Variants in KIAA1328 observed in about 807,000 individuals in gnomAD.
KIAA1328 encodes the protein protein hinderin.
In KIAA1328, 52 loss-of-function variants were observed where a neutral mutation model predicts 68.1. The ratio of observed to expected loss-of-function variants is 0.76; its 90% CI spans 0.61 to 0.96. The LOEUF is 0.96. Among genes scored for constraint, KIAA1328 ranks in the 40% least tolerant of loss-of-function variants. KIAA1328 has a pLI of 0.00. For synonymous variants in KIAA1328, 232 were observed against 239.4 expected (o/e 0.97, Z 0.28); for missense variants, 641 against 677.6 (o/e 0.95, Z 0.60).
intron 4 of KIAA1328, among the ~76,000 whole-genome samples, chr18:36,872,768 A>G (rs1484864242): frequency 2.0e-5 from 3 of 152,270 alleles, no homozygotes; most frequent in Non-Finnish European, 4.4e-5. Context: ...GTTATGGCAT[A>G]GATGTTGAAA....
At chr18:36,914,004 A>G (rs1285332460) in intron 5 of KIAA1328, among the ~76,000 whole-genome samples, 1 of 152,048 alleles carries the variant, frequency 6.6e-6, no homozygotes, top group Non-Finnish European at 1.5e-5. Context: ...TACTTTGTGG[A>G]TGCTGTCATG....
chr18:37,124,488 T>A (rs780948318), intron 7 of KIAA1328, among the ~76,000 whole-genome samples: 19 of 152,124 alleles, frequency 1.2e-4, no homozygotes, highest in Non-Finnish European at 2.4e-4. Flanking sequence ...TTTTCCTGTT[T>A]CTACTTGTAA....
At chr18:36,951,443 A>G (rs1216558785) in intron 5 of KIAA1328, among the ~76,000 whole-genome samples, 1 of 152,208 alleles carries the variant, frequency 6.6e-6, no homozygotes, top group East Asian at 1.9e-4. Flanking sequence ...GCCCTTACAG[A>G]CTTATTTGTT....
At chr18:37,182,015 A>G (rs543994960) in intron 9 of KIAA1328, among the ~76,000 whole-genome samples, 1 of 152,266 alleles carries the variant, frequency 6.6e-6, no homozygotes, top group Admixed American at 6.5e-5. Context: ...TTCCTTTGTC[A>G]ACCCAGCAAT....
At chr18:37,059,027 T>C (rs2056041290) in intron 6 of KIAA1328, among the ~76,000 whole-genome samples, 1 of 152,186 alleles carries the variant, frequency 6.6e-6, no homozygotes, top group Non-Finnish European at 1.5e-5. Context: ...GTTGGGTTTT[T>C]TTTTTAGAAG....
At chr18:37,170,709 G>T (rs2059483449) in intron 8 of KIAA1328, among the ~76,000 whole-genome samples, 1 of 152,082 alleles carries the variant, frequency 6.6e-6, no homozygotes, top group Non-Finnish European at 1.5e-5. Context: ...AATGGCCAAA[G>T]CTCTCAGGTC....
At chr18:36,939,323 C>T (rs1173196696) in intron 5 of KIAA1328, among the ~76,000 whole-genome samples, 1 of 151,912 alleles carries the variant, frequency 6.6e-6, no homozygotes, top group African/African-American at 2.4e-5. Context: ...TAAATTTATT[C>T]CTAAGTATTT....
intron 6 of KIAA1328, among the ~76,000 whole-genome samples, chr18:37,025,492 A>G (rs1258074103): frequency 6.6e-6 from 1 of 152,216 alleles, no homozygotes; most frequent in Non-Finnish European, 1.5e-5. Flanking sequence ...TCCTCAGCAA[A>G]TGTAAAAGAA....
chr18:36,923,865 A>G (rs1423565918), intron 5 of KIAA1328: 1 of 152,244 alleles, frequency 6.6e-6, no homozygotes, highest in Non-Finnish European at 1.5e-5. Flanking sequence ...ACAAAGTTCT[A>G]CTGGACAGAG....
intron 4 of KIAA1328, among the ~76,000 whole-genome samples, chr18:36,870,649 C>T (rs1458798517): frequency 6.6e-6 from 1 of 152,134 alleles, no homozygotes; most frequent in African/African-American, 2.4e-5. Flanking sequence ...ATACATTTTG[C>T]ATTACAGAAG....
intron 6 of KIAA1328, among the ~76,000 whole-genome samples, chr18:37,023,119 T>A (rs2054411161): frequency 6.6e-6 from 1 of 152,144 alleles, no homozygotes; most frequent in Non-Finnish European, 1.5e-5. Flanking sequence ...TAGCTTCAAC[T>A]TTCTGGGCTC....
At chr18:37,171,511 CTA>C (rs1232923424) in intron 8 of KIAA1328, among the ~76,000 whole-genome samples, 2 of 152,220 alleles carry the variant, frequency 1.3e-5, no homozygotes, top group Non-Finnish European at 2.9e-5. Context: ...AGCCCATCCT[CTA>C]TGTCTCTTTA....
chr18:36,830,343 C>G (rs186050346), intron 1 of KIAA1328, among the ~76,000 whole-genome samples: 1 of 152,330 alleles, frequency 6.6e-6, no homozygotes, highest in Admixed American at 6.5e-5. Flanking sequence ...TGTACATACA[C>G]TGTGGATGAA....
intron 4 of KIAA1328, among the ~76,000 whole-genome samples, chr18:36,883,286 G>T (rs2048380087): frequency 1.3e-5 from 2 of 152,162 alleles, no homozygotes; most frequent in South Asian, 4.1e-4. Context: ...GATGCTAAAA[G>T]TGGAAAATTT....
intron 4 of KIAA1328, among the ~76,000 whole-genome samples, chr18:36,866,209 C>G (rs1471469980): frequency 1.3e-5 from 2 of 152,154 alleles, no homozygotes; most frequent in East Asian, 3.9e-4. Flanking sequence ...CCTCACCTTA[C>G]TTTGGTTCTG....
chr18:37,100,380 G>T (rs1599265876), intron 7 of KIAA1328, among the ~76,000 whole-genome samples: 1 of 152,334 alleles, frequency 6.6e-6, no homozygotes, highest in East Asian at 1.9e-4. Flanking sequence ...TATACCCTGT[G>T]CCTGGCTCGG....
chr18:37,122,724 G>A (rs980212157), intron 7 of KIAA1328, among the ~76,000 whole-genome samples: 5 of 152,074 alleles, frequency 3.3e-5, no homozygotes, highest in African/African-American at 1.2e-4. Flanking sequence ...CTGTGAATCA[G>A]GAGGTGAGAT....
chr18:36,928,357 G>A (rs2050195754), intron 5 of KIAA1328, among the ~76,000 whole-genome samples: 1 of 152,154 alleles, frequency 6.6e-6, no homozygotes, highest in Non-Finnish European at 1.5e-5. Flanking sequence ...TGGTTCTATG[G>A]CTTCTAACTC....
chr18:37,062,586 G>C (rs1482632767), intron 6 of KIAA1328, among the ~76,000 whole-genome samples: 2 of 151,930 alleles, frequency 1.3e-5, no homozygotes, highest in Non-Finnish European at 2.9e-5. Context: ...CTCCGGAGTA[G>C]CTGGGACTGC....
Sources: gnomAD v4.1 joint callset for allele counts (sites outside exome capture counted in the v4.1 genomes callset) on GRCh38, gnomAD v4.1.1 for gene constraint, MANE v1.5 for transcripts, NCBI Gene and HGNC (gene_info 2026-07-23, HGNC 2026-07-21) for gene names.